Variants in ZPBP observed in about 807,000 individuals in gnomAD.
ZPBP encodes the protein zona pellucida-binding protein 1.
A neutral mutation model predicts 44.8 loss-of-function variants in ZPBP; 26 were observed. The observed-to-expected ratio is 0.58, with a 90% CI of 0.43 to 0.81. The LOEUF (loss-of-function observed/expected upper bound fraction) is 0.81, where lower values mean the gene tolerates loss of function less well. Among genes scored for constraint, ZPBP ranks in the 30% least tolerant of loss-of-function variants. ZPBP has a pLI of 0.00. For missense variants in ZPBP, 409 were observed against 434.0 expected (o/e 0.94, Z 0.51); for synonymous variants, 174 against 153.2 (o/e 1.14, Z -1.00).
chr7:49,966,067 C>T (rs1229168229), intron 7 of ZPBP, among the ~76,000 whole-genome samples: 3 of 151,968 alleles, frequency 2.0e-5, no homozygotes, highest in Non-Finnish European at 2.9e-5. Flanking sequence ...TAACCAGGAG[C>T]ATATAACAAT....
At chr7:50,023,212 T>C (rs547164870) in intron 5 of ZPBP, among the ~76,000 whole-genome samples, 103 of 152,018 alleles carry the variant, frequency 6.8e-4, no homozygotes, top group African/African-American at 2.1e-3. Flanking sequence ...TCAGTGTAAA[T>C]TGAGAAAGAG....
intron 4 of ZPBP, among the ~76,000 whole-genome samples, chr7:50,033,422 A>G (rs150318740): frequency 3.1e-3 from 467 of 152,250 alleles, no homozygotes; most frequent in African/African-American, 0.01. Flanking sequence ...TACCCTGTCT[A>G]CATGGTTCTT....
intron 2 of ZPBP, among the ~76,000 whole-genome samples, chr7:49,867,242 TATG>T (rs1175099523): frequency 1.2e-4 from 19 of 152,344 alleles, no homozygotes; most frequent in African/African-American, 4.1e-4. Flanking sequence ...GCCATAGGAA[TATG>T]ATATTGACCA....
chr7:50,054,144 G>A (rs923263793), intron 4 of ZPBP, among the ~76,000 whole-genome samples: 1 of 152,048 alleles, frequency 6.6e-6, no homozygotes, highest in Non-Finnish European at 1.5e-5. Flanking sequence ...ACCCACCTCG[G>A]CCTCCCAAAG....
intron 7 of ZPBP, among the ~76,000 whole-genome samples, chr7:49,980,748 C>T (rs192404123): frequency 2.6e-5 from 4 of 152,158 alleles, no homozygotes; most frequent in Admixed American, 6.5e-5. Flanking sequence ...CGACCCGAAC[C>T]TCTCCCACTA....
intron 7 of ZPBP, among the ~76,000 whole-genome samples, chr7:49,974,312 A>AT (rs1456774080): frequency 6.6e-6 from 1 of 152,206 alleles, no homozygotes; most frequent in Non-Finnish European, 1.5e-5. Flanking sequence ...TAATTTACCA[A>AT]TAAAAAAAAA....
intron 2 of ZPBP, among the ~76,000 whole-genome samples, chr7:49,898,043 G>C (rs1358432842): frequency 6.7e-6 from 1 of 150,262 alleles, no homozygotes; most frequent in East Asian, 1.9e-4. Context: ...AACTGATCTG[G>C]GTGAAGAGAA....
At chr7:49,913,137 C>T (rs921959650) in intron 1 of ZPBP, 1 of 152,290 alleles carries the variant, frequency 6.6e-6, no homozygotes, top group Admixed American at 6.5e-5. Context: ...TATTTGTCAT[C>T]AGACTTGAGT....
intron 7 of ZPBP, among the ~76,000 whole-genome samples, chr7:49,970,563 CA>C (rs1269052672): frequency 7.7e-6 from 1 of 129,674 alleles, no homozygotes; most frequent in Admixed American, 9.4e-5. Context: ...TGCTTAATCA[CA>C]AAAAAGTTTA....
chr7:49,897,919 G>A (rs889055993), intron 2 of ZPBP, among the ~76,000 whole-genome samples: 13 of 152,150 alleles, frequency 8.5e-5, no homozygotes, highest in African/African-American at 2.9e-4. Flanking sequence ...CACACTTCTT[G>A]CAGGGGGAGG....
At chr7:49,873,660 G>A (rs1367191452) in intron 2 of ZPBP, among the ~76,000 whole-genome samples, 1 of 152,188 alleles carries the variant, frequency 6.6e-6, no homozygotes, top group Non-Finnish European at 1.5e-5. Flanking sequence ...GCATTATGCA[G>A]TAATCATGAA....
chr7:50,068,566 C>T (rs895397824), intron 3 of ZPBP, among the ~76,000 whole-genome samples: 19 of 152,096 alleles, frequency 1.2e-4, no homozygotes, highest in Admixed American at 3.9e-4. Context: ...TCCACGACTG[C>T]GTTCACACCT....
intron 1 of ZPBP, chr7:49,921,641 A>G (rs1286885173): frequency 3.9e-5 from 6 of 152,218 alleles, no homozygotes; most frequent in African/African-American, 1.4e-4. Context: ...TATAAAGCAC[A>G]AGATCTATGT....
At chr7:49,963,264 G>A (rs144023318) in intron 7 of ZPBP, among the ~76,000 whole-genome samples, 286 of 151,766 alleles carry the variant, frequency 1.9e-3, no homozygotes, top group Non-Finnish European at 3.1e-3. Context: ...GAAAAAGCTA[G>A]AAATCTCATA....
At chr7:50,035,658 C>T (rs1799796519) in intron 4 of ZPBP, among the ~76,000 whole-genome samples, 1 of 151,980 alleles carries the variant, frequency 6.6e-6, no homozygotes, top group South Asian at 2.1e-4. Flanking sequence ...TAAATAGATG[C>T]TCAAAGATAA....
chr7:49,868,671 G>A (rs964544866), intron 2 of ZPBP, among the ~76,000 whole-genome samples: 15 of 152,218 alleles, frequency 9.9e-5, no homozygotes, highest in Non-Finnish European at 2.2e-4. Flanking sequence ...AGGCTGAAGT[G>A]CAATGGCACG....
chr7:50,032,161 T>C (rs1799634868), intron 4 of ZPBP, among the ~76,000 whole-genome samples: 1 of 152,194 alleles, frequency 6.6e-6, no homozygotes, highest in East Asian at 1.9e-4. Flanking sequence ...CAGCTTCTAA[T>C]TGCTGAGGAA....
intron 2 of ZPBP, among the ~76,000 whole-genome samples, chr7:49,862,245 T>C (rs1790678498): frequency 6.6e-6 from 1 of 152,202 alleles, no homozygotes; most frequent in Admixed American, 6.5e-5. Context: ...TGAAATAGAA[T>C]TGCTCTCTTA....
intron 7 of ZPBP, among the ~76,000 whole-genome samples, chr7:49,962,307 T>A (rs1795892222): frequency 6.6e-6 from 1 of 151,868 alleles, no homozygotes; most frequent in African/African-American, 2.4e-5. Context: ...TCACGTGTAT[T>A]TTATATTAGG....
Sources: allele counts gnomAD v4.1 joint callset (sites outside exome capture counted in the v4.1 genomes callset), GRCh38; gene constraint gnomAD v4.1.1; transcripts MANE v1.5; gene names NCBI Gene and HGNC (gene_info 2026-07-23, HGNC 2026-07-21).